ARHGAP44: variants seen among roughly 807,000 people sequenced by gnomAD.
ARHGAP44 encodes Rho GTPase activating protein 44.
Under a neutral mutation model 106.8 loss-of-function variants are expected in ARHGAP44, and 43 were observed. That is an observed-to-expected ratio of 0.40 (90% CI 0.32 to 0.52). ARHGAP44 has a LOEUF of 0.52. ARHGAP44 is among the 20% of genes least tolerant of loss of function. The probability of loss-of-function intolerance (pLI) is 0.48; values close to 1 mark genes in which losing one functional copy is unlikely to be tolerated. For missense variants in ARHGAP44, 866 were observed against 1,050.5 expected, an observed-to-expected ratio of 0.82 and a Z score of 2.43; for synonymous variants, 439 against 410.3, an observed-to-expected ratio of 1.07 and a Z score of -0.85.
chr17:12,850,444 C>G (rs2035706284), intron 1 of ARHGAP44, among the ~76,000 whole-genome samples: 1 of 150,168 alleles, frequency 6.7e-6, no homozygotes, highest in African/African-American at 2.5e-5. Context: ...CCTTTGCCTT[C>G]TTGGGTGCAG....
At chr17:12,821,865 G>A (rs1405648002) in intron 1 of ARHGAP44, among the ~76,000 whole-genome samples, 1 of 152,136 alleles carries the variant, frequency 6.6e-6, no homozygotes, top group Admixed American at 6.6e-5. Context: ...GGAAAGGTAA[G>A]TAGTCTAGTT....
At chr17:12,845,910 C>T (rs1196146685) in intron 1 of ARHGAP44, among the ~76,000 whole-genome samples, 2 of 152,148 alleles carry the variant, frequency 1.3e-5, no homozygotes, top group Admixed American at 1.3e-4. Flanking sequence ...AAGCCCATCT[C>T]TGTATATTGT....
At chr17:12,945,202 G>A (rs112255884) in intron 10 of ARHGAP44, among the ~76,000 whole-genome samples, 3,052 of 152,022 alleles carry the variant, frequency 0.02, 39 homozygotes, top group Middle Eastern at 0.034. Flanking sequence ...TAGAGACGAG[G>A]TTTCAATATG....
chr17:12,810,417 C>G (rs1250185340), intron 1 of ARHGAP44, among the ~76,000 whole-genome samples: 7 of 152,120 alleles, frequency 4.6e-5, no homozygotes, highest in Non-Finnish European at 8.8e-5. Context: ...TTTGGAATAT[C>G]TTCAGTGATA....
intron 6 of ARHGAP44, among the ~76,000 whole-genome samples, chr17:12,926,826 AGT>A (rs2038261450): frequency 6.6e-6 from 1 of 152,062 alleles, no homozygotes; most frequent in South Asian, 2.1e-4. Context: ...CATATTGGTT[AGT>A]TATTTTTTCT....
chr17:12,844,217 G>A (rs567203381), intron 1 of ARHGAP44, among the ~76,000 whole-genome samples: 127 of 152,116 alleles, frequency 8.3e-4, no homozygotes, highest in African/African-American at 2.9e-3. Flanking sequence ...ACCAGAGACC[G>A]GGTAACTTAT....
chr17:12,860,856 C>CTTTTTTTT (rs71144929), intron 1 of ARHGAP44, among the ~76,000 whole-genome samples: 1 of 135,816 alleles, frequency 7.4e-6, no homozygotes, highest in Non-Finnish European at 1.6e-5. Context: ...TTTTTCTATT[C>CTTTTTTTT]TTTTTTTTTT....
At chr17:12,858,880 C>T (rs1172790366) in intron 1 of ARHGAP44, among the ~76,000 whole-genome samples, 1 of 152,198 alleles carries the variant, frequency 6.6e-6, no homozygotes, top group Non-Finnish European at 1.5e-5. Flanking sequence ...GCACGTCTTA[C>T]ATGGTGGCAG....
chr17:12,898,113 A>G (rs1449532295), intron 3 of ARHGAP44, among the ~76,000 whole-genome samples: 2 of 152,116 alleles, frequency 1.3e-5, no homozygotes, highest in Non-Finnish European at 2.9e-5. Flanking sequence ...GGGAAGCTCT[A>G]GGGTTGGTCA....
intron 16 of ARHGAP44, among the ~76,000 whole-genome samples, chr17:12,964,592 C>T (rs913191335): frequency 6.6e-6 from 1 of 152,084 alleles, no homozygotes; most frequent in African/African-American, 2.4e-5. Flanking sequence ...ACCAGTCTGG[C>T]CAACATGGTG....
At chr17:12,980,030 T>G (rs1317803016) in intron 18 of ARHGAP44, 28 bp from the exon 19 acceptor site, 1 of 1,576,952 alleles carries the variant, frequency 6.3e-7, no homozygotes, top group African/African-American at 1.4e-5. Flanking sequence ...TCAGGGCTTT[T>G]CTTTTGTCTC....
intron 3 of ARHGAP44, among the ~76,000 whole-genome samples, chr17:12,906,803 G>T (rs1463447258): frequency 6.6e-6 from 1 of 152,076 alleles, no homozygotes; most frequent in Non-Finnish European, 1.5e-5. Flanking sequence ...AGCCAGGCAT[G>T]GGGGTGCATG....
chr17:12,956,041 G>A (rs1567707851), intron 14 of ARHGAP44, 61 bp downstream of exon 14: 9 of 1,307,194 alleles, frequency 6.9e-6, no homozygotes, highest in East Asian at 4.7e-5. Flanking sequence ...CCTGAGCAGG[G>A]TGGGCAGGAC....
At chr17:12,802,971 T>A (rs920683870) in intron 1 of ARHGAP44, among the ~76,000 whole-genome samples, 709 of 43,136 alleles carry the variant, frequency 0.016, 1 homozygote, top group Middle Eastern at 0.026. Flanking sequence ...ATATATATAT[T>A]TTTTTTTTTT....
intron 7 of ARHGAP44, among the ~76,000 whole-genome samples, chr17:12,938,588 A>T (rs1483643953): frequency 6.6e-6 from 1 of 151,296 alleles, no homozygotes; most frequent in African/African-American, 2.4e-5. Context: ...ATATTAAAAA[A>T]AAAAAAAAAA....
intron 1 of ARHGAP44, among the ~76,000 whole-genome samples, chr17:12,802,969 A>AT (rs1162376884): frequency 1.7e-3 from 68 of 40,832 alleles, no homozygotes; most frequent in Non-Finnish European, 2.4e-3. Context: ...ATATATATAT[A>AT]TTTTTTTTTT....
At chr17:12,989,494 T>C (rs1266820821) in intron 20 of ARHGAP44, among the ~76,000 whole-genome samples, 2 of 152,162 alleles carry the variant, frequency 1.3e-5, no homozygotes, top group Non-Finnish European at 2.9e-5. Flanking sequence ...TCAGGGACAG[T>C]TGGCACCAAT....
chr17:12,866,185 A>C (rs2036234690), intron 1 of ARHGAP44, among the ~76,000 whole-genome samples: 1 of 152,194 alleles, frequency 6.6e-6, no homozygotes, highest in Admixed American at 6.5e-5. Flanking sequence ...TTAGAGAAGA[A>C]GTTAAATTAT....
At chr17:12,885,729 G>T (rs1486024234) in intron 1 of ARHGAP44, among the ~76,000 whole-genome samples, 1 of 151,978 alleles carries the variant, frequency 6.6e-6, no homozygotes, top group Non-Finnish European at 1.5e-5. Context: ...TTATTGTTAA[G>T]TTTCAGAGTT....
Sources: allele counts gnomAD v4.1 joint callset (sites outside exome capture counted in the v4.1 genomes callset), GRCh38; gene constraint gnomAD v4.1.1; transcripts MANE v1.5; gene names NCBI Gene and HGNC (gene_info 2026-07-23, HGNC 2026-07-21).